The following EHBP1 variants were observed in gnomAD, a reference collection of about 807,000 sequenced individuals.
EHBP1 encodes EH domain binding protein 1.
EHBP1 carries 55 observed loss-of-function variants against 144.0 expected under a neutral mutation model. That is an observed-to-expected ratio of 0.38 (90% CI 0.31 to 0.48). The LOEUF is 0.48. Among genes scored for constraint, EHBP1 ranks in the 20% least tolerant of loss-of-function variants. EHBP1 has a pLI of 0.98. For synonymous variants in EHBP1, 469 were observed against 472.7 expected (o/e 0.99, Z 0.10); for missense variants, 1,200 against 1,364.2 (o/e 0.88, Z 1.90).
At chr2:62,734,523 A>G (rs530501825) in intron 2 of EHBP1, among the ~76,000 whole-genome samples, 1 of 151,804 alleles carries the variant, frequency 6.6e-6, no homozygotes, top group South Asian at 2.1e-4. Context: ...ACATCTACTT[A>G]CTTTTAATCT....
Position 63,004,261 on chromosome 2 carries a change from G to A in EHBP1, c.3103+7495G>A, listed in dbSNP as rs995430202. On this transcript the variant is annotated intron_variant, in intron 19 of 22. Coordinates refer to ENST00000431489, the MANE Select transcript of EHBP1 (RefSeq NM_001142616.3). ...GTTCAGTTCACAATTTAAGCAAAAG[G>A]CCAATCACAAAGCAAAATGGCTCAT... Among the ~76,000 whole-genome samples, 18 of 152,046 alleles carry A rather than the reference G, an allele frequency of 1.2e-4. 1 individual carries two copies. Among genetic ancestry groups the A allele is most frequent in the African/African-American group, 3.9e-4 (16 of 41,520 alleles).
At chr2:62,863,779 T>C (rs1206551508) in intron 8 of EHBP1, among the ~76,000 whole-genome samples, 1 of 151,248 alleles carries the variant, frequency 6.6e-6, no homozygotes, top group Non-Finnish European at 1.5e-5. Flanking sequence ...ATTTCAAAAG[T>C]GAATCAATTT....
intron 9 of EHBP1, among the ~76,000 whole-genome samples, chr2:62,874,097 T>C (rs1241401109): frequency 1.3e-5 from 2 of 152,208 alleles, no homozygotes; most frequent in Non-Finnish European, 2.9e-5. Context: ...AGCTTCTATA[T>C]ATAATAGTTT....
chr2:62,791,259 A>G (rs987418803), intron 5 of EHBP1, among the ~76,000 whole-genome samples: 1 of 152,064 alleles, frequency 6.6e-6, no homozygotes, highest in Non-Finnish European at 1.5e-5. Flanking sequence ...TAGTTCTAGA[A>G]AAATTGAATT....
chr2:62,681,348 A>ATATATATAATGTGTATATATG lies in EHBP1; in HGVS notation c.-296+7273_-296+7274insATGTGTATATATGTATATATA, dbSNP rs1558505103. On this transcript the variant is annotated intron_variant, in intron 1 of 22. Transcript: ENST00000405015. ...TGTATGTATGTGTGTGTGTATATATATATATATATATAATGTGTATATATG... is the reference window on the plus strand; with the variant it reads ...TGTATGTATGTGTGTGTGTATATATATATATATAATGTGTATATATGTATATATATATAATGTGTATATATG... Among the ~76,000 whole-genome samples, 61 of 115,210 alleles carry ATATATATAATGTGTATATATG rather than the reference A, an allele frequency of 5.3e-4. 3 individuals are homozygous for ATATATATAATGTGTATATATG. Among genetic ancestry groups the ATATATATAATGTGTATATATG allele is most frequent in the African/African-American group, 1.9e-3 (54 of 28,744 alleles). The allele number at this position is 115,210 out of a possible 152,430, so 75.6% of individuals were successfully genotyped here. A position where few individuals can be genotyped will look rare whatever the true frequency, so the allele number is the denominator to read the frequency against.
intron 14 of EHBP1, 60 bp from the exon 15 acceptor site, chr2:62,979,128 T>G: frequency 6.5e-7 from 1 of 1,540,604 alleles, no homozygotes; most frequent in Non-Finnish European, 8.8e-7. Context: ...GATGATCAGA[T>G]TGAAAATGAA....
intron 2 of EHBP1, among the ~76,000 whole-genome samples, chr2:62,721,013 T>A (rs548411119): frequency 7.2e-6 from 1 of 139,482 alleles, no homozygotes; most frequent in East Asian, 2.0e-4. Context: ...ATTAATATTA[T>A]TAGGCAAGCT....
At chr2:62,711,873 A>T (rs1220588074) in intron 2 of EHBP1, among the ~76,000 whole-genome samples, 1 of 152,160 alleles carries the variant, frequency 6.6e-6, no homozygotes, top group African/African-American at 2.4e-5. Context: ...ATTTTGAGGA[A>T]TGGTTCAATG....
At chr2:62,928,362 T>C (rs1382248178) in intron 10 of EHBP1, among the ~76,000 whole-genome samples, 9 of 152,158 alleles carry the variant, frequency 5.9e-5, no homozygotes, top group African/African-American at 1.7e-4. Flanking sequence ...TAAGGCTGTG[T>C]GGTGGGAATC....
chr2:62,997,584 T>G (rs2059692631), intron 19 of EHBP1, among the ~76,000 whole-genome samples: 1 of 152,030 alleles, frequency 6.6e-6, no homozygotes, highest in African/African-American at 2.4e-5. Flanking sequence ...AGTGGAAAAT[T>G]TATTCCTGTA....
In EHBP1 at chr2:62,889,047, CTTTTTTTTTTTTTTTTT is replaced by C. The variant is rs71410971; in HGVS notation, c.1185+14533_1185+14549del. On this transcript the variant is annotated intron_variant, in intron 10 of 22. Coordinates refer to ENST00000431489, the MANE Select transcript of EHBP1 (RefSeq NM_001142616.3). ...TCATAAATTTTGGCAGTAGGTACCT[CTTTTTTTTTTTTTTTTT>C]TTTTTTTTTTTTTTTTTGAGGCAGA... Among the ~76,000 whole-genome samples the C allele has an allele frequency of 2.8e-4, 11 of 39,678 alleles. No individual in the cohort carries two copies. In the South Asian group the frequency reaches 4.3e-3, roughly 16 times the overall value. 26.0% of individuals were successfully genotyped at this position (39,678 alleles called of 152,430 possible). A position where few individuals can be genotyped will look rare whatever the true frequency, so the allele number is the denominator to read the frequency against.
At chr2:62,897,042 C>T (rs919721077) in intron 10 of EHBP1, among the ~76,000 whole-genome samples, 3 of 152,304 alleles carry the variant, frequency 2.0e-5, no homozygotes, top group African/African-American at 7.2e-5. Context: ...AGTCTTGCTT[C>T]TACTCCTGTA....
chr2:62,757,990 C>T (rs191983969), intron 3 of EHBP1, among the ~76,000 whole-genome samples: 45 of 145,276 alleles, frequency 3.1e-4, no homozygotes, highest in Admixed American at 2.8e-4. Context: ...CTGGCCTGGG[C>T]GAAAGAGCGA....
At chr2:62,677,727 A>G (rs2033354412) in intron 1 of EHBP1, among the ~76,000 whole-genome samples, 1 of 152,206 alleles carries the variant, frequency 6.6e-6, no homozygotes, top group Admixed American at 6.5e-5. Context: ...AATAAGTGAG[A>G]ACATGCAAAG....
chr2:62,941,420 A>C (rs1351656956), intron 10 of EHBP1, among the ~76,000 whole-genome samples: 1 of 152,078 alleles, frequency 6.6e-6, no homozygotes, highest in Admixed American at 6.6e-5. Flanking sequence ...TTCAGCATTG[A>C]CTTTGTAGAG....
chr2:62,821,168 TTACCTC>T (rs2045955080), intron 5 of EHBP1, among the ~76,000 whole-genome samples: 1 of 152,072 alleles, frequency 6.6e-6, no homozygotes, highest in South Asian at 2.1e-4. Flanking sequence ...TTCTGCACCT[TTACCTC>T]TAGTCCTCTT....
At chr2:62,931,712 G>T (rs78032898) in intron 10 of EHBP1, among the ~76,000 whole-genome samples, 2 of 152,250 alleles carry the variant, frequency 1.3e-5, no homozygotes, top group African/African-American at 4.8e-5. Context: ...CTCTTCTTCC[G>T]TGCAGGATGT....
intron 7 of EHBP1, among the ~76,000 whole-genome samples, chr2:62,835,507 AACAGCTCCGGTCT>A (rs2152683285): frequency 6.6e-6 from 1 of 152,322 alleles, no homozygotes; most frequent in Non-Finnish European, 1.5e-5. Context: ...GCCGAATAGG[AACAGCTCCGGTCT>A]ACAGCTCCCA....
rs557460583 is a variant in EHBP1 at position 62,943,240 on chromosome 2, G to A, written c.1364+344G>A. 1.1e-4 allele frequency among the ~76,000 whole-genome samples: 16 copies of A among 152,180 alleles called. No homozygotes were observed. In the South Asian group the frequency reaches 3.3e-3, roughly 32 times the overall value. On this transcript the variant is annotated intron_variant, in intron 11 of 22. Transcript: ENST00000431489. ...AAAAATACAAAATTAGCCAGGTGTG[G>A]TGGCGCATGCCTGAAATCCCAGCTA...
Sources: gnomAD v4.1 joint callset for allele counts (sites outside exome capture counted in the v4.1 genomes callset) on GRCh38, gnomAD v4.1.1 for gene constraint, MANE v1.5 for transcripts, NCBI Gene and HGNC (gene_info 2026-07-23, HGNC 2026-07-21) for gene names.